Variants in SCN7A observed in about 807,000 individuals in gnomAD.
The protein encoded by SCN7A is sodium channel protein type 7 subunit alpha.
Under a neutral mutation model 155.2 loss-of-function variants are expected in SCN7A, and 138 were observed. The observed-to-expected ratio is 0.89, with a 90% CI of 0.77 to 1.02. The LOEUF (loss-of-function observed/expected upper bound fraction) is 1.02, where lower values mean the gene tolerates loss of function less well. SCN7A is among the 50% of genes least tolerant of loss of function. The probability of loss-of-function intolerance (pLI) is 0.00; values close to 1 mark genes in which losing one functional copy is unlikely to be tolerated. For synonymous variants in SCN7A, 693 were observed against 649.0 expected (o/e 1.07, Z -1.03); for missense variants, 2,058 against 1,986.6 (o/e 1.04, Z -0.68).
At chr2:166,491,114 A>G (rs927614053) in intron 1 of SCN7A, among the ~76,000 whole-genome samples, 9 of 152,176 alleles carry the variant, frequency 5.9e-5, no homozygotes, top group African/African-American at 2.2e-4. Flanking sequence ...AAAATAGGAA[A>G]GACAGACTAC....
rs189770605 is a variant in SCN7A at position 166,415,735 on chromosome 2, C to T, written c.3414+972G>A. ...GTTATCTTCGTAAGCTGAGGATGTACGTCACCTCAGGACCACTGTGATAAT... is the reference window on the plus strand; with the variant it reads ...GTTATCTTCGTAAGCTGAGGATGTATGTCACCTCAGGACCACTGTGATAAT... On this transcript the variant is annotated intron_variant, in intron 21 of 25. Coordinates refer to ENST00000643258, the MANE Select transcript of SCN7A (RefSeq NM_002976.4). Among the ~76,000 whole-genome samples, 957 of 152,218 alleles carry T rather than the reference C, an allele frequency of 6.3e-3. 9 individuals are homozygous for T. The highest frequency in any genetic ancestry group is 0.017 in the African/African-American group (693 of 41,544).
intron 2 of SCN7A, among the ~76,000 whole-genome samples, chr2:166,480,170 CT>C (rs1413424855): frequency 6.6e-6 from 1 of 152,080 alleles, no homozygotes. Context: ...TTAAAATAGC[CT>C]TTCAGGCCGC....
chr2:166,475,123 T>TAC (rs1203713575), intron 3 of SCN7A, among the ~76,000 whole-genome samples: 2,138 of 121,704 alleles, frequency 0.018, 25 homozygotes, highest in Middle Eastern at 0.026. Context: ...TATATATACA[T>TAC]ATATATATAT....
At position 166,410,087 on chromosome 2, in the gene SCN7A, A is replaced by G. The variant is rs1701166713; in HGVS notation, c.3711+133T>C. On this transcript the variant is annotated intron_variant, in intron 24 of 25. Transcript: ENST00000643258. ...AAACTATAACATATAGTCAAAACAA[A>G]CAAACAAAATGACCATGAAAAGCTT... is the stretch of plus-strand genomic sequence containing the variant. 2.7e-6 allele frequency: 3 copies of G among 1,110,946 alleles called. No homozygotes were observed. In the South Asian group the frequency reaches 5.3e-5, roughly 19 times the overall value. The allele number at this position is 1,110,946 out of a possible 1,614,324, so 68.8% of individuals were successfully genotyped here. A position where few individuals can be genotyped will look rare whatever the true frequency, so the allele number is the denominator to read the frequency against.
At chr2:166,471,615 GT>G in intron 6 of SCN7A, among the ~76,000 whole-genome samples, 1 of 151,076 alleles carries the variant, frequency 6.6e-6, no homozygotes, top group Middle Eastern at 3.4e-3. Context: ...TTTAACAAGA[GT>G]TTGATGCCAG....
chr2:166,450,411 A>C (rs2105451496), intron 11 of SCN7A, among the ~76,000 whole-genome samples: 1 of 152,254 alleles, frequency 6.6e-6, no homozygotes, highest in South Asian at 2.1e-4. Flanking sequence ...AACCTCAGTG[A>C]CATGCAATTT....
chr2:166,480,632 T>C (rs1702904537), intron 2 of SCN7A, among the ~76,000 whole-genome samples: 1 of 152,230 alleles, frequency 6.6e-6, no homozygotes, highest in Non-Finnish European at 1.5e-5. Context: ...AGGCAACTGC[T>C]GAATGATCCT....
intron 15 of SCN7A, among the ~76,000 whole-genome samples, chr2:166,433,350 TA>T (rs747270641): frequency 6.6e-6 from 1 of 152,078 alleles, no homozygotes; most frequent in African/African-American, 2.4e-5. Flanking sequence ...TAAATTTGAC[TA>T]AAAAAGGCTG....
chr2:166,474,240 C>T lies in SCN7A; in HGVS notation c.339G>A (p.Lys113=). Residue 113 remains lysine, a synonymous_variant, in exon 4 of 26, where the codon AAG becomes AAA. Coordinates refer to ENST00000643258, the MANE Select transcript of SCN7A (RefSeq NM_002976.4). ...GAAAAGGATATGGATGTACCAAAACCTTGATAGTTGTTCTTCTAATACAAT... is the reference window on the plus strand; with the variant it reads ...GAAAAGGATATGGATGTACCAAAACTTTGATAGTTGTTCTTCTAATACAAT... ...PFNCIRRTTI[K]VLVHPFFQLF... is the part of the protein sequence containing the mutation. 6.7e-7 allele frequency: 1 copy of T among 1,490,934 alleles called. No homozygotes were observed. The highest frequency in any genetic ancestry group is 1.3e-5 in the South Asian group (1 of 76,584). The allele number at this position is 1,490,934 out of a possible 1,614,324, so 92.4% of individuals were successfully genotyped here. A position where few individuals can be genotyped will look rare whatever the true frequency, so the allele number is the denominator to read the frequency against.
chr2:166,420,035 G>A (rs940731690), intron 20 of SCN7A, among the ~76,000 whole-genome samples: 9 of 151,746 alleles, frequency 5.9e-5, no homozygotes, highest in Admixed American at 3.3e-4. Context: ...AATGAATCAC[G>A]GGCTAAGTAT....
At position 166,447,632 on chromosome 2, in the gene SCN7A, G is replaced by C. The variant is rs149496884; in HGVS notation, c.1367C>G (p.Ala456Gly). 1.3e-3 allele frequency: 2,018 copies of C among 1,610,242 alleles called. 8 individuals carry two copies. The highest frequency in any genetic ancestry group is 2.7e-3 in the Middle Eastern group (16 of 6,004). Reference protein sequence around the residue: ...TDTSLDVLEDATLRHKEELEK... With the variant: ...TDTSLDVLEDGTLRHKEELEK... ...TTTACCTTCCTTATGTCTGAGAGTA[G>C]CATCTTCCAACACATCCAATGATGT... The change falls in exon 12 of 26, where the codon GCT (alanine) becomes GGT (glycine). Residue 456 changes from alanine (A) to glycine (G), a missense_variant. Physicochemically the swap from Ala to Gly is moderately conservative, Grantham distance 60. Coordinates refer to ENST00000643258, the MANE Select transcript of SCN7A (RefSeq NM_002976.4).
At chr2:166,480,744 G>A (rs568072383) in intron 2 of SCN7A, among the ~76,000 whole-genome samples, 1 of 152,190 alleles carries the variant, frequency 6.6e-6, no homozygotes, top group Admixed American at 6.5e-5. Flanking sequence ...AGAGAATATC[G>A]AAATTTTCTG....
At chr2:166,407,324 C>T (rs1359175392) in intron 25 of SCN7A, among the ~76,000 whole-genome samples, 1 of 151,872 alleles carries the variant, frequency 6.6e-6, no homozygotes, top group African/African-American at 2.4e-5. Flanking sequence ...AACACAAGAA[C>T]TATAAAACAA....
intron 10 of SCN7A, chr2:166,462,105 A>AT: frequency 5.2e-6 from 1 of 193,578 alleles, no homozygotes; most frequent in South Asian, 1.6e-4. Context: ...AAAAAAAAAA[A>AT]AAAAGCACAC....
Position 166,465,983 on chromosome 2 carries a change from C to T in SCN7A, c.669G>A (p.Leu223=), listed in dbSNP as rs1186146811. Reference sequence around the variant, plus strand: ...GGATCAGGACCCCTACAAGGGATTTCAGACCTGGAAAGAGAAACATTTGTT... The same window carrying T: ...GGATCAGGACCCCTACAAGGGATTTTAGACCTGGAAAGAGAAACATTTGTT... ...ILKIIPLNQG[L]KSLVGVLIHC... Residue 223 remains leucine (L), a synonymous_variant, in exon 8 of 26, where the codon CTG becomes CTA. Coordinates refer to ENST00000643258, the MANE Select transcript of SCN7A (RefSeq NM_002976.4). The T allele has an allele frequency of 6.2e-7, 1 of 1,607,102 alleles. No homozygotes were observed. The highest frequency in any genetic ancestry group is 1.3e-5 in the African/African-American group (1 of 74,748).
intron 25 of SCN7A, among the ~76,000 whole-genome samples, chr2:166,407,337 T>C (rs1701097740): frequency 6.6e-6 from 1 of 151,968 alleles, no homozygotes; most frequent in African/African-American, 2.4e-5. Flanking sequence ...TAAAACAAGG[T>C]AGAATTATAA....
intron 17 of SCN7A, among the ~76,000 whole-genome samples, chr2:166,428,922 T>G (rs146958311): frequency 1.3e-5 from 2 of 152,028 alleles, no homozygotes; most frequent in Non-Finnish European, 2.9e-5. Flanking sequence ...CCTATATATG[T>G]TGAAGTCAAA....
At chr2:166,471,124 T>C (rs918335845) in intron 6 of SCN7A, among the ~76,000 whole-genome samples, 1 of 151,804 alleles carries the variant, frequency 6.6e-6, no homozygotes, top group Non-Finnish European at 1.5e-5. Flanking sequence ...AGAATAAAGA[T>C]GAAGAGAGGA....
Position 166,432,165 on chromosome 2 carries a change from A to G in SCN7A, c.2592+153T>C, listed in dbSNP as rs190006380. ...GGAAAGTTTAAGTAATTTGATCAAA[A>G]GCATAAAGTCAGAGGCTAAGAGTGA... On this transcript the variant is annotated intron_variant, in intron 16 of 25. Transcript: ENST00000643258. Among the ~76,000 whole-genome samples the G allele has an allele frequency of 1.1e-3, 172 of 152,210 alleles. 1 individual carries two copies. The highest frequency in any genetic ancestry group is 3.8e-3 in the African/African-American group (157 of 41,558).
Sources: gnomAD v4.1 joint callset for allele counts (sites outside exome capture counted in the v4.1 genomes callset) on GRCh38, gnomAD v4.1.1 for gene constraint, MANE v1.5 for transcripts, NCBI Gene and HGNC (gene_info 2026-07-23, HGNC 2026-07-21) for gene names.